Variants in IGF1R observed in about 807,000 individuals in gnomAD.
IGF1R encodes the protein insulin-like growth factor 1 receptor.
IGF1R carries 44 observed loss-of-function variants against 144.6 expected under a neutral mutation model. That is an observed-to-expected ratio of 0.30 (90% CI 0.24 to 0.39). The LOEUF (loss-of-function observed/expected upper bound fraction) is 0.39. Among genes scored for constraint, IGF1R ranks in the 10% least tolerant of loss-of-function variants. The probability of loss-of-function intolerance (pLI) is 1.00; values close to 1 mark genes in which losing one functional copy is unlikely to be tolerated. For missense variants in IGF1R, 1,355 were observed against 1,833.7 expected, an observed-to-expected ratio of 0.74 and a Z score of 4.77; for synonymous variants, 795 against 722.8, an observed-to-expected ratio of 1.10 and a Z score of -1.60.
At chr15:98,719,126 G>A (rs528084309) in intron 2 of IGF1R, among the ~76,000 whole-genome samples, 4 of 152,272 alleles carry the variant, frequency 2.6e-5, no homozygotes, top group Admixed American at 2.0e-4. Context: ...GTAATACGTC[G>A]ATACTACTTT....
At chr15:98,691,257 A>G (rs896786421) in intron 1 of IGF1R, among the ~76,000 whole-genome samples, 2 of 152,084 alleles carry the variant, frequency 1.3e-5, no homozygotes, top group African/African-American at 4.8e-5. Flanking sequence ...CTGGTCTGTG[A>G]CAGGGTCTCA....
intron 2 of IGF1R, among the ~76,000 whole-genome samples, chr15:98,814,769 A>G (rs2056660508): frequency 1.3e-5 from 2 of 151,864 alleles, no homozygotes; most frequent in South Asian, 4.1e-4. Context: ...AAGAGAAATG[A>G]ATGGAAGACC....
chr15:98,957,371 C>G lies in IGF1R; in HGVS notation c.4033C>G (p.Pro1345Ala), dbSNP rs1309250208. The G allele has an allele frequency of 6.2e-7, 1 of 1,613,402 alleles. No homozygotes were observed. The highest frequency in any genetic ancestry group is 8.5e-7 in the Non-Finnish European group (1 of 1,179,944). The change falls in exon 21 of 21, where the codon CCT becomes GCT. Residue 1345 changes from proline to alanine, a missense_variant. Physicochemically the swap from Pro to Ala is conservative, Grantham distance 27. This residue lies in a region of IGF1R where 219 missense variants were observed against 188.8 expected (regional missense o/e 1.16). Coordinates refer to ENST00000650285, the MANE Select transcript of IGF1R (RefSeq NM_000875.5). ...CCGCGCCAGCTTCGACGAGAGACAGCCTTACGCCCACATGAACGGGGGCCG... is the reference window on the plus strand; with the variant it reads ...CCGCGCCAGCTTCGACGAGAGACAGGCTTACGCCCACATGAACGGGGGCCG... Reference protein sequence around the residue: ...VLRASFDERQPYAHMNGGRKN... With the variant: ...VLRASFDERQAYAHMNGGRKN...
chr15:98,711,516 CT>C (rs980451406), intron 2 of IGF1R, among the ~76,000 whole-genome samples: 2 of 152,190 alleles, frequency 1.3e-5, no homozygotes, highest in African/African-American at 4.8e-5. Context: ...TTTCTCGGTT[CT>C]TTTTGGATTT....
chr15:98,900,400 A>G (rs1027893022), intron 5 of IGF1R, among the ~76,000 whole-genome samples: 6 of 152,232 alleles, frequency 3.9e-5, no homozygotes, highest in African/African-American at 1.4e-4. Flanking sequence ...ATTCCTTCCA[A>G]AGAGAATTTG....
At chr15:98,920,325 C>T (rs1035957052) in intron 10 of IGF1R, among the ~76,000 whole-genome samples, 2 of 152,194 alleles carry the variant, frequency 1.3e-5, no homozygotes. Context: ...GCCTTGATGT[C>T]ATCAGCATTG....
At chr15:98,700,538 C>T (rs1459719604) in intron 1 of IGF1R, among the ~76,000 whole-genome samples, 4 of 152,148 alleles carry the variant, frequency 2.6e-5, no homozygotes, top group African/African-American at 7.2e-5. Flanking sequence ...TCACCTCTTG[C>T]GTTTTAACAG....
At chr15:98,676,937 A>AT (rs1017446933) in intron 1 of IGF1R, among the ~76,000 whole-genome samples, 4 of 150,952 alleles carry the variant, frequency 2.6e-5, no homozygotes, top group African/African-American at 4.9e-5. Context: ...ATTAAAAAAA[A>AT]TTTTTTTTTC....
At chr15:98,847,560 C>T (rs948278215) in intron 2 of IGF1R, among the ~76,000 whole-genome samples, 2 of 152,090 alleles carry the variant, frequency 1.3e-5, no homozygotes, top group Non-Finnish European at 2.9e-5. Flanking sequence ...TCCAGACCAA[C>T]GATGAAGAGT....
In IGF1R at chr15:98,685,702, G is replaced by A. The variant is rs894467396; in HGVS notation, c.95-21860G>A. On this transcript the variant is annotated intron_variant, in intron 1 of 20. Transcript: ENST00000650285. ...CAGATAATTGTTGAAGATGGAACAGGAGTGTGCAAGAACACCAGCGTGCTT... is the reference window on the plus strand; with the variant it reads ...CAGATAATTGTTGAAGATGGAACAGAAGTGTGCAAGAACACCAGCGTGCTT... Among the ~76,000 whole-genome samples the A allele has an allele frequency of 3.3e-5, 5 of 152,218 alleles. No homozygotes were observed. In the South Asian group the frequency reaches 8.3e-4, roughly 25 times the overall value.
chr15:98,750,069 A>G, intron 2 of IGF1R, among the ~76,000 whole-genome samples: 1 of 152,172 alleles, frequency 6.6e-6, no homozygotes. Flanking sequence ...TAGCAATACC[A>G]TTTTGATTCC....
At chr15:98,917,017 G>A in intron 10 of IGF1R, 141 bp downstream of exon 10, 1 of 762,044 alleles carries the variant, frequency 1.3e-6, no homozygotes, top group Non-Finnish European at 2.3e-6. Context: ...CGAAAAAGAT[G>A]ACAGGTTCGG....
intron 2 of IGF1R, among the ~76,000 whole-genome samples, chr15:98,845,487 CTCCT>C (rs1286554145): frequency 7.8e-6 from 1 of 127,794 alleles, no homozygotes; most frequent in Non-Finnish European, 1.7e-5. Context: ...CTCCCTCCTC[CTCCT>C]TCCTTCTCCT....
At chr15:98,874,036 G>A (rs2012925523) in intron 2 of IGF1R, among the ~76,000 whole-genome samples, 2 of 152,164 alleles carry the variant, frequency 1.3e-5, no homozygotes, top group South Asian at 4.1e-4. Flanking sequence ...CGCTTCCTCT[G>A]CCGGGGGTTT....
chr15:98,690,696 A>C (rs1335245436), intron 1 of IGF1R, among the ~76,000 whole-genome samples: 11 of 152,022 alleles, frequency 7.2e-5, no homozygotes, highest in Admixed American at 7.2e-4. Flanking sequence ...GATATAGCTC[A>C]CCCTCTCCTC....
At chr15:98,816,227 C>G (rs1370847188) in intron 2 of IGF1R, among the ~76,000 whole-genome samples, 1 of 152,200 alleles carries the variant, frequency 6.6e-6, no homozygotes, top group Non-Finnish European at 1.5e-5. Context: ...CCAGCTTTGC[C>G]TCATCAGGCC....
At chr15:98,871,447 C>T (rs1423266657) in intron 2 of IGF1R, among the ~76,000 whole-genome samples, 1 of 152,202 alleles carries the variant, frequency 6.6e-6, no homozygotes, top group Non-Finnish European at 1.5e-5. Flanking sequence ...AAGTCTTTTC[C>T]TTACCACAGA....
intron 1 of IGF1R, among the ~76,000 whole-genome samples, chr15:98,698,987 G>T (rs1316577982): frequency 6.6e-6 from 1 of 152,250 alleles, no homozygotes; most frequent in African/African-American, 2.4e-5. Context: ...CTGGAATGAT[G>T]TAATGTGTTC....
At chr15:98,816,443 A>C (rs372972444) in intron 2 of IGF1R, among the ~76,000 whole-genome samples, 22 of 152,294 alleles carry the variant, frequency 1.4e-4, no homozygotes, top group African/African-American at 5.3e-4. Context: ...TGGTGGAAAA[A>C]ACAAATGTCA....
Sources: gnomAD v4.1 joint callset for allele counts (sites outside exome capture counted in the v4.1 genomes callset) on GRCh38, gnomAD v4.1.1 for gene constraint, gnomAD v4.1.1 regional missense constraint, MANE v1.5 for transcripts, NCBI Gene and HGNC (gene_info 2026-07-23, HGNC 2026-07-21) for gene names.